CDK14: variants seen among roughly 807,000 people sequenced by gnomAD.
The protein encoded by CDK14 is cyclin dependent kinase 14.
Under a neutral mutation model 60.7 loss-of-function variants are expected in CDK14, and 34 were observed. The observed-to-expected ratio is 0.56, with a 90% CI of 0.43 to 0.75. The LOEUF is 0.75. Among genes scored for constraint, CDK14 ranks in the 30% least tolerant of loss-of-function variants. CDK14 has a pLI of 0.00. For synonymous variants in CDK14, 197 were observed against 203.7 expected, an observed-to-expected ratio of 0.97 and a Z score of 0.28; for missense variants, 482 against 564.1, an observed-to-expected ratio of 0.85 and a Z score of 1.47.
At chr7:90,984,659 G>A (rs1307289569) in intron 10 of CDK14, among the ~76,000 whole-genome samples, 1 of 152,182 alleles carries the variant, frequency 6.6e-6, no homozygotes, top group Non-Finnish European at 1.5e-5. Flanking sequence ...TGACTTTACA[G>A]TGGAGACACC....
intron 7 of CDK14, among the ~76,000 whole-genome samples, chr7:90,904,432 G>A (rs1413894826): frequency 6.6e-6 from 1 of 152,094 alleles, no homozygotes; most frequent in Non-Finnish European, 1.5e-5. Context: ...AAACAAAAAT[G>A]TGGTATTATT....
chr7:90,904,432 G>C (rs1413894826), intron 7 of CDK14, among the ~76,000 whole-genome samples: 1 of 152,094 alleles, frequency 6.6e-6, no homozygotes, highest in Non-Finnish European at 1.5e-5. Context: ...AAACAAAAAT[G>C]TGGTATTATT....
intron 2 of CDK14, among the ~76,000 whole-genome samples, chr7:90,656,997 G>A (rs1344627277): frequency 6.6e-6 from 1 of 151,978 alleles, no homozygotes; most frequent in Non-Finnish European, 1.5e-5. Context: ...ACAAGATCGT[G>A]TGAACTGGAA....
At chr7:91,143,130 C>T (rs1020563533) in intron 14 of CDK14, among the ~76,000 whole-genome samples, 1 of 152,144 alleles carries the variant, frequency 6.6e-6, no homozygotes, top group Non-Finnish European at 1.5e-5. Context: ...AACTTGAAGA[C>T]TAGGTGGGAT....
chr7:90,911,788 ATATCAAC>A (rs1447949269), intron 7 of CDK14, among the ~76,000 whole-genome samples: 4 of 152,158 alleles, frequency 2.6e-5, no homozygotes, highest in African/African-American at 7.2e-5. Flanking sequence ...TGTGTGCTTT[ATATCAAC>A]TTACTTTAAA....
At chr7:91,202,689 T>C (rs1033138231) in intron 14 of CDK14, among the ~76,000 whole-genome samples, 2 of 152,206 alleles carry the variant, frequency 1.3e-5, no homozygotes, top group African/African-American at 2.4e-5. Flanking sequence ...GGACATCCCG[T>C]GCTGCTGGCT....
chr7:91,166,848 G>A (rs1801361625), intron 14 of CDK14, among the ~76,000 whole-genome samples: 1 of 152,146 alleles, frequency 6.6e-6, no homozygotes, highest in Non-Finnish European at 1.5e-5. Flanking sequence ...TCTTGGGCCT[G>A]CAGGTGAAGC....
chr7:90,966,158 C>G (rs1296057486), intron 9 of CDK14, among the ~76,000 whole-genome samples: 1 of 152,124 alleles, frequency 6.6e-6, no homozygotes, highest in Non-Finnish European at 1.5e-5. Context: ...TATTGGAACT[C>G]CTTTCTTAAT....
chr7:90,832,453 C>T (rs1458489395), intron 5 of CDK14, among the ~76,000 whole-genome samples: 1 of 152,076 alleles, frequency 6.6e-6, no homozygotes, highest in African/African-American at 2.4e-5. Flanking sequence ...CCTAAAGTAG[C>T]TTGTCATTTT....
intron 10 of CDK14, among the ~76,000 whole-genome samples, chr7:91,024,846 A>C (rs1338130647): frequency 1.3e-5 from 2 of 152,162 alleles, no homozygotes; most frequent in Non-Finnish European, 2.9e-5. Flanking sequence ...TCTATTTGAT[A>C]GGTTGTCTTT....
intron 10 of CDK14, among the ~76,000 whole-genome samples, chr7:91,022,101 G>A (rs1796446846): frequency 6.6e-6 from 1 of 152,166 alleles, no homozygotes; most frequent in African/African-American, 2.4e-5. Flanking sequence ...AGCTGCTGGT[G>A]AAAGCTGTTC....
At chr7:90,880,948 C>T (rs183165839) in intron 6 of CDK14, among the ~76,000 whole-genome samples, 230 of 152,176 alleles carry the variant, frequency 1.5e-3, no homozygotes, top group African/African-American at 5.1e-3. Context: ...TCAGCAGCCT[C>T]GAAGATGAAA....
intron 14 of CDK14, among the ~76,000 whole-genome samples, chr7:91,134,796 G>A (rs1401790739): frequency 6.6e-6 from 1 of 151,790 alleles, no homozygotes; most frequent in Non-Finnish European, 1.5e-5. Context: ...AATTGCTTGA[G>A]CCTAGGAGGC....
At chr7:90,703,594 G>A (rs544678900) in intron 2 of CDK14, among the ~76,000 whole-genome samples, 7 of 152,196 alleles carry the variant, frequency 4.6e-5, no homozygotes, top group Admixed American at 1.3e-4. Context: ...TTGAAACAAG[G>A]GTTTGTAATT....
chr7:91,159,631 G>A (rs946167262), intron 14 of CDK14, among the ~76,000 whole-genome samples: 1 of 152,192 alleles, frequency 6.6e-6, no homozygotes. Context: ...AAGTGGAGCT[G>A]GCCAATGGGC....
intron 3 of CDK14, among the ~76,000 whole-genome samples, chr7:90,742,373 A>G (rs1334020401): frequency 1.3e-5 from 2 of 152,034 alleles, no homozygotes; most frequent in Non-Finnish European, 1.5e-5. Flanking sequence ...AGCTGTTCAT[A>G]GTGTTCCAGG....
chr7:91,033,365 A>G (rs530298068), intron 10 of CDK14, among the ~76,000 whole-genome samples: 104 of 152,354 alleles, frequency 6.8e-4, no homozygotes, highest in African/African-American at 2.1e-3. Context: ...ATTTTAAAGA[A>G]TAATCTTACA....
intron 11 of CDK14, among the ~76,000 whole-genome samples, chr7:91,077,281 TGTG>T (rs1448452236): frequency 1.3e-5 from 2 of 151,902 alleles, no homozygotes; most frequent in African/African-American, 4.8e-5. Context: ...ATAAAGAAAA[TGTG>T]GTACATATTA....
intron 9 of CDK14, among the ~76,000 whole-genome samples, chr7:90,967,490 A>G (rs1423427404): frequency 6.6e-6 from 1 of 152,178 alleles, no homozygotes; most frequent in Non-Finnish European, 1.5e-5. Flanking sequence ...CTGATTAAAT[A>G]GCGTAGTAAT....
Sources: gnomAD v4.1 joint callset for allele counts (sites outside exome capture counted in the v4.1 genomes callset) on GRCh38, gnomAD v4.1.1 for gene constraint, MANE v1.5 for transcripts, NCBI Gene and HGNC (gene_info 2026-07-23, HGNC 2026-07-21) for gene names.